Variants in CNTNAP1 observed in about 807,000 individuals in gnomAD.
CNTNAP1 encodes the protein contactin-associated protein 1.
Under a neutral mutation model 161.5 loss-of-function variants are expected in CNTNAP1, and 80 were observed. The observed-to-expected ratio is 0.50, with a 90% CI of 0.41 to 0.60. CNTNAP1 has a LOEUF of 0.60. Ranked by LOEUF, CNTNAP1 falls within the 20% of genes least tolerant of loss-of-function variation. The probability of loss-of-function intolerance (pLI) is 0.00; values close to 1 mark genes in which losing one functional copy is unlikely to be tolerated. For synonymous variants in CNTNAP1, 695 were observed against 733.1 expected, an observed-to-expected ratio of 0.95 and a Z score of 0.84; for missense variants, 1,464 against 1,854.8, an observed-to-expected ratio of 0.79 and a Z score of 3.87.
rs779699947 is a variant in CNTNAP1, at chr17:42,687,043, C to T, written c.1041C>T (p.Phe347=). Residue 347 remains phenylalanine (F), a synonymous_variant, in exon 7 of 24, where the codon TTC becomes TTT. Coordinates refer to ENST00000264638, the MANE Select transcript of CNTNAP1 (RefSeq NM_003632.3). The surrounding 1 kb of genome is among the most constrained non-coding windows in gnomAD (Gnocchi z 4.7). ...LAVRRHSRIT[F]EGKVAFRCLD... is the part of the protein sequence containing the mutation. ...TGCGGCGCCATTCCCGGATCACCTT[C>T]GAGGCCAGTGGGCAGGGGGGTCTGG... 3.7e-6 allele frequency: 6 copies of T among 1,611,936 alleles called. No homozygotes were observed. Among genetic ancestry groups the T allele is most frequent in the South Asian group, 1.1e-5 (1 of 91,024 alleles).
Position 42,697,534 on chromosome 17 carries a change from T to C in CNTNAP1, c.3569-20T>C. 3 of 1,613,422 alleles carry C rather than the reference T, an allele frequency of 1.9e-6. No individual in the cohort carries two copies. Among genetic ancestry groups the C allele is most frequent in the Non-Finnish European group, 2.5e-6 (3 of 1,179,466 alleles). On this transcript the variant is annotated intron_variant, in intron 21 of 23. Transcript: ENST00000264638. ...GCCTTTGGGTCCAAGTCCCTCTTTC[T>C]GGGCCTGCCTCTCTCTCAGAGACAG...
rs1360469755 is a variant in CNTNAP1 at position 42,698,955 on chromosome 17, C to T, written c.*45C>T. On this transcript the variant is annotated 3_prime_UTR_variant, in exon 24 of 24. Transcript: ENST00000264638. Reference sequence around the variant, plus strand: ...CCAATTCCAGCTCCTGACATTCCCCCAGTCCTGCCTCTCCCCCATCCTATC... The same window carrying T: ...CCAATTCCAGCTCCTGACATTCCCCTAGTCCTGCCTCTCCCCCATCCTATC... The T allele has an allele frequency of 3.4e-6, 5 of 1,472,352 alleles. No homozygotes were observed. The highest frequency in any genetic ancestry group is 4.5e-6 in the Non-Finnish European group (5 of 1,114,384). 91.2% of individuals were successfully genotyped at this position (1,472,352 alleles called of 1,614,324 possible).
At chr17:42,698,534 CGTGTGTGTGT>C (rs112344327) in intron 23 of CNTNAP1, 74 bp from the exon 24 acceptor site, 338 of 865,240 alleles carry the variant, frequency 3.9e-4, no homozygotes, top group East Asian at 8.3e-4. Flanking sequence ...TCAAAGAGTG[CGTGTGTGTGT>C]GTGTGTGTGT....
intron 23 of CNTNAP1, 56 bp from the exon 24 acceptor site, chr17:42,698,562 T>A (rs1419122915): frequency 2.9e-6 from 4 of 1,356,404 alleles, no homozygotes; most frequent in Admixed American, 3.7e-5. Context: ...TGTGTGTGTG[T>A]GTGTGTATAC....
rs948880576 is a variant in CNTNAP1, at chr17:42,698,683, C to T, written c.3928C>T (p.Arg1310Cys). Residue 1310 changes from arginine (R) to cysteine (C), a missense_variant, in exon 24 of 24, where the codon CGC (arginine) becomes TGC (cysteine). Coordinates refer to ENST00000264638, the MANE Select transcript of CNTNAP1 (RefSeq NM_003632.3). ...MLVLFYLQNH[R>C]YKGSYHTNEP... ...GGTGCTCTTCTATCTGCAAAATCAT[C>T]GCTATAAGGGCTCCTACCATACCAA... 3.1e-6 allele frequency: 5 copies of T among 1,611,786 alleles called. No homozygotes were observed. In the South Asian group the frequency reaches 3.3e-5, roughly 11 times the overall value.
chr17:42,682,887 T>G lies in CNTNAP1; in HGVS notation c.58T>G (p.Trp20Gly), dbSNP rs772813642. 4 of 1,601,062 alleles carry G rather than the reference T, an allele frequency of 2.5e-6. No homozygotes were observed. In the South Asian group the frequency reaches 4.5e-5, roughly 18 times the overall value. The change falls in exon 1 of 24, where the codon TGG becomes GGG. Residue 20 changes from tryptophan (W) to glycine (G), a missense_variant. By Grantham distance (184) the Trp-to-Gly change is radical. Transcript: ENST00000264638. ...LLAAVSGAEG[W>G]GYYGCDEELV... Reference sequence around the variant, plus strand: ...CGCCGCGGTCTCAGGAGCCGAGGGCTGGGGCTACTGTGAGTGTTGGGCTTG... The same window carrying G: ...CGCCGCGGTCTCAGGAGCCGAGGGCGGGGGCTACTGTGAGTGTTGGGCTTG...
In CNTNAP1 at chr17:42,698,794, G is replaced by A; in HGVS notation, c.4039G>A (p.Ala1347Thr). 2 of 1,610,108 alleles carry A rather than the reference G, an allele frequency of 1.2e-6. No homozygotes were observed. Among genetic ancestry groups the A allele is most frequent in the Non-Finnish European group, 1.7e-6 (2 of 1,179,676 alleles). ...CCCTGCCCAGGTCCCCACCCCTACA[G>A]CAGCTCCCAACCAAGCTCCAGCCTC... ...SGPAQVPTPT[A>T]APNQAPASAP... The change falls in exon 24 of 24, where the codon GCA becomes ACA. Residue 1347 changes from alanine (A) to threonine (T), a missense_variant. By Grantham distance (58) the Ala-to-Thr change is moderately conservative. This residue lies in a region of CNTNAP1 where 1,383 missense variants were observed against 1,765.0 expected (regional missense o/e 0.78). Coordinates refer to ENST00000264638, the MANE Select transcript of CNTNAP1 (RefSeq NM_003632.3).
intron 3 of CNTNAP1, 114 bp from the exon 4 acceptor site, chr17:42,684,877 A>G: frequency 8.0e-7 from 1 of 1,244,566 alleles, no homozygotes; most frequent in Admixed American, 2.6e-5. Flanking sequence ...GTGAGCCGAG[A>G]TCGTACCACC....
chr17:42,691,718 C>T lies in CNTNAP1; in HGVS notation c.2345-88C>T. On this transcript the variant is annotated intron_variant, in intron 15 of 23. Transcript: ENST00000264638. This position sits in a 1 kb window ranked among gnomAD's most constrained non-coding sequence, Gnocchi z 4.3. ...GTCACCTCAAACCCTCCCCCTTTGC[C>T]CAACCTTCCCTGCCCCCAACCCCAG... The T allele has an allele frequency of 6.8e-7, 1 of 1,470,790 alleles. No homozygotes were observed. The highest frequency in any genetic ancestry group is 9.4e-7 in the Non-Finnish European group (1 of 1,063,526). 91.1% of individuals were successfully genotyped at this position (1,470,790 alleles called of 1,614,324 possible).
chr17:42,688,930 A>G lies in CNTNAP1; in HGVS notation c.1511A>G (p.His504Arg). Residue 504 changes from histidine (H) to arginine (R), a missense_variant, in exon 10 of 24, where the codon CAT becomes CGT. His to Arg is a conservative substitution (Grantham distance 29). Coordinates refer to ENST00000264638, the MANE Select transcript of CNTNAP1 (RefSeq NM_003632.3). ...WDCHSNQTAF[H>R]GCMELLKVDG... ...TGCCACTCCAACCAGACGGCATTCC[A>G]TGGCTGCATGGAGCTGCTCAAGGTG... The G allele has an allele frequency of 6.2e-7, 1 of 1,614,044 alleles. No individual in the cohort carries two copies. The highest frequency in any genetic ancestry group is 8.5e-7 in the Non-Finnish European group (1 of 1,180,000).
In CNTNAP1 at chr17:42,695,548, C is replaced by G. The variant is rs1326693012; in HGVS notation, c.3020C>G (p.Thr1007Ser). The change falls in exon 19 of 24, where the codon ACC becomes AGC. Residue 1007 changes from threonine (T) to serine (S), a missense_variant. By Grantham distance (58) the Thr-to-Ser change is moderately conservative (BLOSUM62 1). Transcript: ENST00000264638. ...HDIGGFFEPGTWMRYNLQSAL... is the reference protein window; with the variant it reads ...HDIGGFFEPGSWMRYNLQSAL... ...ATTGGTGGTTTCTTTGAGCCGGGCA[C>G]CTGGATGCGCTATAACCTACAGTCA... is the stretch of plus-strand genomic sequence containing the variant. The G allele has an allele frequency of 6.9e-6, 11 of 1,605,584 alleles. No homozygotes were observed. Among genetic ancestry groups the G allele is most frequent in the African/African-American group, 1.4e-5 (1 of 74,034 alleles).
intron 6 of CNTNAP1, among the ~76,000 whole-genome samples, chr17:42,686,489 T>TGTTTG: frequency 7.0e-6 from 1 of 143,622 alleles, no homozygotes; most frequent in African/African-American, 2.8e-5. Context: ...TTTTTTTTTT[T>TGTTTG]TTTTGTGGGT....
At chr17:42,688,633 C>T in intron 9 of CNTNAP1, 22 bp downstream of exon 9, 3 of 1,614,066 alleles carry the variant, frequency 1.9e-6, no homozygotes, top group Non-Finnish European at 2.5e-6. Context: ...CCAACCTGAC[C>T]AGACCTCTGT....
chr17:42,691,360 A>G lies in CNTNAP1; in HGVS notation c.2217-24A>G, dbSNP rs377706782. On this transcript the variant is annotated intron_variant, in intron 14 of 23. Transcript: ENST00000264638. This position sits in a 1 kb window ranked among gnomAD's most constrained non-coding sequence, Gnocchi z 4.3. ...GGGAGGAGCTGAGTGGCTGGGGCTG[A>G]GCCATGACATCCTGCCCCCACAGGA... 5.6e-5 allele frequency: 90 copies of G among 1,614,000 alleles called. 1 individual carries two copies. In the African/African-American group the frequency reaches 1.1e-3, roughly 20 times the overall value.
chr17:42,695,900 C>G, intron 19 of CNTNAP1, 26 bp downstream of exon 19: 1 of 1,602,386 alleles, frequency 6.2e-7, no homozygotes, highest in South Asian at 1.1e-5. Flanking sequence ...CTCTCTCACC[C>G]CACTCCAGCT....
chr17:42,697,318 G>A lies in CNTNAP1; in HGVS notation c.3519G>A (p.Val1173=). 1 of 1,613,994 alleles carries A rather than the reference G, an allele frequency of 6.2e-7. No individual in the cohort carries two copies. Among genetic ancestry groups the A allele is most frequent in the Non-Finnish European group, 8.5e-7 (1 of 1,180,002 alleles). ...PLTEQKFSLL[V]DSQLDSPKAL... ...CAGAGCAGAAGTTCTCGCTGTTGGT[G>A]GACAGCCAGTTGGACTCACCCAAGG... The change falls in exon 21 of 24, where the codon GTG becomes GTA. Residue 1173 remains valine (V), a synonymous_variant. Coordinates refer to ENST00000264638, the MANE Select transcript of CNTNAP1 (RefSeq NM_003632.3).
In CNTNAP1 at chr17:42,686,962, C is replaced by G. The variant is rs2053025018; in HGVS notation, c.960C>G (p.Phe320Leu). 6.2e-7 allele frequency: 1 copy of G among 1,613,978 alleles called. No homozygotes were observed. The highest frequency in any genetic ancestry group is 1.3e-5 in the African/African-American group (1 of 75,066). ...AGAACCTGGCCTATCGGCATAACTT[C>G]CGCGGCTGCATAGAAAACGTAATCT... is the stretch of plus-strand genomic sequence containing the variant. ...ARKNLAYRHN[F>L]RGCIENVIFN... The change falls in exon 7 of 24, where the codon TTC becomes TTG. Residue 320 changes from phenylalanine (F) to leucine (L), a missense_variant. This residue lies in a region of CNTNAP1 where 1,383 missense variants were observed against 1,765.0 expected (regional missense o/e 0.78). Coordinates refer to ENST00000264638, the MANE Select transcript of CNTNAP1 (RefSeq NM_003632.3).
At position 42,685,311 on chromosome 17, in the gene CNTNAP1, C is replaced by T. The variant is rs781767249; in HGVS notation, c.606C>T (p.Ser202=). 3.1e-6 allele frequency: 5 copies of T among 1,613,102 alleles called. No homozygotes were observed. The South Asian group carries it at 5.5e-5, about 18-fold the overall frequency. The change falls in exon 5 of 24, where the codon AGC becomes AGT. Residue 202 remains serine, a synonymous_variant. Coordinates refer to ENST00000264638, the MANE Select transcript of CNTNAP1 (RefSeq NM_003632.3). The surrounding 1 kb of genome is among the most constrained non-coding windows in gnomAD (Gnocchi z 5.0). ...GCCTGTGGGACGTGTTCGCCTTCAG[C>T]TTCAAGACCGAGGAGAAGGACGGTC... ...SRSLWDVFAF[S]FKTEEKDGLL... is the part of the protein sequence containing the mutation.
At position 42,687,435 on chromosome 17, in the gene CNTNAP1, G is replaced by C. The variant is rs1415641066; in HGVS notation, c.1045-285G>C. On this transcript the variant is annotated intron_variant, in intron 7 of 23. Transcript: ENST00000264638. The surrounding 1 kb of genome is among the most constrained non-coding windows in gnomAD (Gnocchi z 4.7). ...GAAGCTGGCAGGAGCCAGGTCTGTG[G>C]TCCAAAATTGCCTCTCGATACTGGA... 2 of 539,098 alleles carry C rather than the reference G, an allele frequency of 3.7e-6. No individual in the cohort carries two copies. Among genetic ancestry groups the C allele is most frequent in the East Asian group, 6.4e-5 (2 of 31,288 alleles). 33.4% of individuals were successfully genotyped at this position (539,098 alleles called of 1,614,324 possible). A position where few individuals can be genotyped will look rare whatever the true frequency, so the allele number is the denominator to read the frequency against.
Sources: allele counts gnomAD v4.1 joint callset (sites outside exome capture counted in the v4.1 genomes callset), GRCh38; gene constraint gnomAD v4.1.1; regional missense constraint gnomAD v4.1.1; non-coding constraint Gnocchi (gnomAD v3.1); transcripts MANE v1.5; gene names NCBI Gene and HGNC (gene_info 2026-07-23, HGNC 2026-07-21).